Variants in STX16 observed in about 807,000 individuals in gnomAD.
The protein encoded by STX16 is syntaxin-16.
In STX16, 28 loss-of-function variants were observed where a neutral mutation model predicts 42.7. The observed-to-expected ratio is 0.66, with a 90% CI of 0.49 to 0.90. The LOEUF (loss-of-function observed/expected upper bound fraction) is 0.90, where lower values mean the gene tolerates loss of function less well. Ranked by LOEUF, STX16 falls within the 40% of genes least tolerant of loss-of-function variation. The pLI is 0.00. For missense variants in STX16, 361 were observed against 420.9 expected (o/e 0.86, Z 1.24); for synonymous variants, 156 against 155.2 (o/e 1.00, Z -0.04).
chr20:58,674,949 A>G (rs2084067656), intron 8 of STX16, among the ~76,000 whole-genome samples: 1 of 152,182 alleles, frequency 6.6e-6, no homozygotes, highest in African/African-American at 2.4e-5. Context: ...GGAACTAAAA[A>G]TTTTGTTTTA....
chr20:58,656,501 A>G (rs1406328068), intron 1 of STX16, among the ~76,000 whole-genome samples: 1 of 152,224 alleles, frequency 6.6e-6, no homozygotes, highest in African/African-American at 2.4e-5. Flanking sequence ...TGAAAGGTAG[A>G]TATTGAGATG....
In STX16 at chr20:58,668,108, C is replaced by T. The variant is rs763778503; in HGVS notation, c.374C>T (p.Thr125Ile). The change falls in exon 4 of 9, where the codon ACT (threonine) becomes ATT (isoleucine). Residue 125 changes from threonine (T) to isoleucine (I), a missense_variant. Physicochemically the swap from Thr to Ile is moderately conservative, Grantham distance 89. Transcript: ENST00000371141. Reference sequence around the variant, plus strand: ...GAAGAGGAACATGCCATTGAGATAACTACCCAAGAGATCACTCAGGTGAGG... The same window carrying T: ...GAAGAGGAACATGCCATTGAGATAATTACCCAAGAGATCACTCAGGTGAGG... ...SSEEEHAIEI[T>I]TQEITQLFHR... 8.1e-6 allele frequency: 13 copies of T among 1,614,134 alleles called. No homozygotes were observed. Among genetic ancestry groups the T allele is most frequent in the Non-Finnish European group, 1.1e-5 (13 of 1,180,044 alleles).
At chr20:58,666,432 T>G (rs1013400957) in intron 2 of STX16, among the ~76,000 whole-genome samples, 3 of 148,530 alleles carry the variant, frequency 2.0e-5, no homozygotes, top group Admixed American at 6.7e-5. Context: ...TGTTTTTTTT[T>G]TTTTTTTTTT....
chr20:58,659,535 C>A, intron 1 of STX16, 88 bp from the exon 2 acceptor site: 3 of 1,385,070 alleles, frequency 2.2e-6, no homozygotes, highest in Non-Finnish European at 2.0e-6. Context: ...CTCAACTGAC[C>A]ATGCCTTGTC....
chr20:58,652,369 G>GCCC (rs751627179), intron 1 of STX16: 13 of 544,646 alleles, frequency 2.4e-5, no homozygotes, highest in African/African-American at 1.2e-4. Flanking sequence ...CACTTCCGCA[G>GCCC]CACCCCCCCC....
intron 7 of STX16, among the ~76,000 whole-genome samples, chr20:58,671,787 T>C (rs991297613): frequency 2.0e-5 from 3 of 152,124 alleles, no homozygotes; most frequent in Non-Finnish European, 4.4e-5. Context: ...TAATATGATA[T>C]ATGATAATAC....
chr20:58,676,069 G>T (rs1174969244), intron 8 of STX16, 118 bp from the exon 9 acceptor site: 5 of 776,806 alleles, frequency 6.4e-6, no homozygotes, highest in Non-Finnish European at 1.1e-5. Context: ...CATGTAGCCT[G>T]TAGCAGAGAC....
intron 6 of STX16, among the ~76,000 whole-genome samples, 169 bp downstream of exon 6, chr20:58,670,772 C>T (rs1444560415): frequency 1.3e-5 from 2 of 152,198 alleles, no homozygotes; most frequent in Admixed American, 6.5e-5. Flanking sequence ...CTGTTTCTTC[C>T]TTTCCAAAGG....
At chr20:58,671,543 G>A (rs1158567531) in intron 7 of STX16, among the ~76,000 whole-genome samples, 1 of 151,460 alleles carries the variant, frequency 6.6e-6, no homozygotes, top group Non-Finnish European at 1.5e-5. Flanking sequence ...AAACCTCAGT[G>A]TTTACATTTT....
chr20:58,676,211 C>T lies in STX16; in HGVS notation c.898C>T (p.Arg300Trp). Residue 300 changes from arginine (R) to tryptophan (W), a missense_variant, in exon 9 of 9, where the codon CGG (arginine) becomes TGG (tryptophan). Arg to Trp is a moderately radical substitution (Grantham distance 101). Transcript: ENST00000371141. ...HKAEQYQKKN[R>W]KMLVILILFV... ...GGCAGAACAGTATCAAAAGAAGAATCGGAAGATGCTTGTGATTTTAATATT... is the reference window on the plus strand; with the variant it reads ...GGCAGAACAGTATCAAAAGAAGAATTGGAAGATGCTTGTGATTTTAATATT... The T allele has an allele frequency of 6.2e-7, 1 of 1,614,116 alleles. No individual in the cohort carries two copies. Among genetic ancestry groups the T allele is most frequent in the South Asian group, 1.1e-5 (1 of 91,078 alleles).
rs2084192683 is a variant in STX16, at chr20:58,678,555, G to C, written c.*2264G>C. On this transcript the variant is annotated 3_prime_UTR_variant, in exon 9 of 9. Transcript: ENST00000371141. ...CTCAAGAGGCTGAGGCAGGAGAATA[G>C]CTTGAACCCGGGAGGCAGAGGTTGC... 6.6e-6 allele frequency: 1 copy of C among 150,704 alleles called. No individual in the cohort carries two copies. The highest frequency in any genetic ancestry group is 2.4e-5 in the African/African-American group (1 of 40,886). 9.3% of individuals were successfully genotyped at this position (150,704 alleles called of 1,614,324 possible).
intron 3 of STX16, 25 bp from the exon 4 acceptor site, chr20:58,667,962 G>C (rs1471979937): frequency 1.9e-6 from 3 of 1,613,982 alleles, no homozygotes; most frequent in African/African-American, 2.7e-5. Flanking sequence ...GGCATCAGTG[G>C]AGTTCTGTGA....
rs1269663556 is a variant in STX16, at chr20:58,651,826, G to A, written c.-181G>A. ...AATTGGAAAGCCTAGGTAGTTATTT[G>A]GGGAGGGGTCTCTACGCCTTGGCGA... On this transcript the variant is annotated 5_prime_UTR_variant, in exon 1 of 9. Coordinates refer to ENST00000371141, the MANE Select transcript of STX16 (RefSeq NM_001001433.3). 1.6e-6 allele frequency: 1 copy of A among 613,554 alleles called. No homozygotes were observed. The highest frequency in any genetic ancestry group is 1.8e-5 in the African/African-American group (1 of 54,332). 38.0% of individuals were successfully genotyped at this position (613,554 alleles called of 1,614,324 possible). A position where few individuals can be genotyped will look rare whatever the true frequency, so the allele number is the denominator to read the frequency against.
chr20:58,673,619 T>G lies in STX16; in HGVS notation c.793-12T>G. On this transcript the variant is annotated splice_polypyrimidine_tract_variant and intron_variant, in intron 7 of 8. Coordinates refer to ENST00000371141, the MANE Select transcript of STX16 (RefSeq NM_001001433.3). ...TATTGTTGATTGTCTGTAACTGTCA[T>G]TTATTACCTAGGGTACAGTCCTTGA... 1 of 1,591,554 alleles carries G rather than the reference T, an allele frequency of 6.3e-7. No individual in the cohort carries two copies. Among genetic ancestry groups the G allele is most frequent in the South Asian group, 1.1e-5 (1 of 90,296 alleles).
rs10706096 is a variant in STX16, at chr20:58,660,713, C to CTTTTTT, written c.144+1100_144+1105dup. Among the ~76,000 whole-genome samples the CTTTTTT allele has an allele frequency of 1.4e-3, 101 of 70,736 alleles. 6 individuals carry two copies. The highest frequency in any genetic ancestry group is 5.7e-3 in the African/African-American group (98 of 17,208). 46.4% of individuals were successfully genotyped at this position (70,736 alleles called of 152,430 possible). ...AGCATGGATAATATGATTCCTGCTC[C>CTTTTTT]TTTTTTTTTTTTTTTTTTTTTTTTT... is the stretch of plus-strand genomic sequence containing the variant. On this transcript the variant is annotated intron_variant, in intron 2 of 8. Transcript: ENST00000371141.
At chr20:58,663,073 G>T (rs760990510) in intron 2 of STX16, among the ~76,000 whole-genome samples, 2 of 152,198 alleles carry the variant, frequency 1.3e-5, no homozygotes, top group Non-Finnish European at 2.9e-5. Flanking sequence ...TTGCCAGTCT[G>T]TTGATTTTCA....
At chr20:58,662,533 CAG>C (rs2083724268) in intron 2 of STX16, among the ~76,000 whole-genome samples, 1 of 152,112 alleles carries the variant, frequency 6.6e-6, no homozygotes, top group South Asian at 2.1e-4. Flanking sequence ...TTTTTTGAGA[CAG>C]AGTCTCACTC....
At chr20:58,666,921 G>C (rs1210377900) in intron 2 of STX16, among the ~76,000 whole-genome samples, 26 of 152,252 alleles carry the variant, frequency 1.7e-4, no homozygotes, top group Admixed American at 1.7e-3. Flanking sequence ...TAATTTGCTA[G>C]CGGTTTTAGG....
In STX16 at chr20:58,667,992, G is replaced by A. The variant is rs976495347; in HGVS notation, c.258G>A (p.Gln86=). 2 of 1,614,122 alleles carry A rather than the reference G, an allele frequency of 1.2e-6. No individual in the cohort carries two copies. Among genetic ancestry groups the A allele is most frequent in the Admixed American group, 1.7e-5 (1 of 60,008 alleles). Residue 86 remains glutamine, a synonymous_variant, in exon 4 of 9, where the codon CAG becomes CAA. Coordinates refer to ENST00000371141, the MANE Select transcript of STX16 (RefSeq NM_001001433.3). ...CTGTGACTTCATTTGCTTAGATTCA[G>A]TATGATGTTGGCCGGATTAAGCAGA... is the stretch of plus-strand genomic sequence containing the variant. ...PKWVDGVDEI[Q]YDVGRIKQKM... is the part of the protein sequence containing the mutation.
Sources: allele counts gnomAD v4.1 joint callset (sites outside exome capture counted in the v4.1 genomes callset), GRCh38; gene constraint gnomAD v4.1.1; transcripts MANE v1.5; gene names NCBI Gene and HGNC (gene_info 2026-07-23, HGNC 2026-07-21).